The following RAD51B variants were observed in gnomAD, a reference collection of about 807,000 sequenced individuals.
The protein encoded by RAD51B is DNA repair protein RAD51 homolog 2.
In RAD51B, 38 loss-of-function variants were observed where a neutral mutation model predicts 42.2. The observed-to-expected ratio is 0.90, with a 90% CI of 0.70 to 1.18. The LOEUF is 1.18. Ranked by LOEUF, RAD51B falls within the 50% of genes most tolerant of loss-of-function variation. RAD51B has a pLI of 0.00. For missense variants in RAD51B, 373 were observed against 400.7 expected, an observed-to-expected ratio of 0.93 and a Z score of 0.59; for synonymous variants, 154 against 145.2, an observed-to-expected ratio of 1.06 and a Z score of -0.43.
chr14:68,582,703 C>T (rs1312349563), intron 10 of RAD51B, among the ~76,000 whole-genome samples: 3 of 152,168 alleles, frequency 2.0e-5, no homozygotes, highest in Non-Finnish European at 2.9e-5. Context: ...CACATGCACA[C>T]GTATGTTTAT....
At chr14:68,401,657 T>G (rs2084107805) in intron 8 of RAD51B, among the ~76,000 whole-genome samples, 1 of 152,102 alleles carries the variant, frequency 6.6e-6, no homozygotes, top group African/African-American at 2.4e-5. Flanking sequence ...AGGAATGAAA[T>G]TTTCTGCTTT....
chr14:68,362,004 A>T (rs1477685708), intron 8 of RAD51B, among the ~76,000 whole-genome samples: 1 of 152,148 alleles, frequency 6.6e-6, no homozygotes, highest in Non-Finnish European at 1.5e-5. Context: ...CGCCCCAAAG[A>T]AATTAGGCTA....
chr14:68,142,667 A>G (rs1408325845), intron 7 of RAD51B, among the ~76,000 whole-genome samples: 2 of 152,162 alleles, frequency 1.3e-5, no homozygotes, highest in African/African-American at 2.4e-5. Context: ...TCATGATTTA[A>G]TAATAGTGAT....
At position 68,312,561 on chromosome 14, in the gene RAD51B, G is replaced by GA. The variant is rs199721851; in HGVS notation, c.853+20590dup. 4.9e-3 allele frequency among the ~76,000 whole-genome samples: 739 copies of GA among 150,410 alleles called. 26 individuals carry two copies. In the East Asian group the frequency reaches 0.066, roughly 13 times the overall value. Reference sequence around the variant, plus strand: ...GAACAAAGGTAGCTGGACTTTCAAGGAAAAAAAAATAATCCAGCCCTGGTA... The same window carrying GA: ...GAACAAAGGTAGCTGGACTTTCAAGGAAAAAAAAAATAATCCAGCCCTGGTA... On this transcript the variant is annotated intron_variant, in intron 8 of 10. Transcript: ENST00000471583.
chr14:68,259,294 A>C (rs555351479), intron 7 of RAD51B, among the ~76,000 whole-genome samples: 146 of 115,324 alleles, frequency 1.3e-3, no homozygotes, highest in Admixed American at 2.3e-3. Flanking sequence ...CACACCGGGG[A>C]CTGTTGTGGG....
chr14:68,196,428 A>G (rs896210749), intron 7 of RAD51B, among the ~76,000 whole-genome samples: 3 of 152,030 alleles, frequency 2.0e-5, no homozygotes, highest in Non-Finnish European at 4.4e-5. Flanking sequence ...AAAGTCCTGC[A>G]TGGTCCCACT....
chr14:67,966,139 C>A (rs1241381404), intron 7 of RAD51B, among the ~76,000 whole-genome samples: 1 of 152,110 alleles, frequency 6.6e-6, no homozygotes, highest in African/African-American at 2.4e-5. Flanking sequence ...AAAGAAAACT[C>A]ATTACCCTTA....
At chr14:67,975,080 G>A (rs762802652) in intron 7 of RAD51B, among the ~76,000 whole-genome samples, 6 of 151,982 alleles carry the variant, frequency 3.9e-5, no homozygotes, top group Non-Finnish European at 7.4e-5. Context: ...AAACTTAGCC[G>A]CTTTAAACAA....
intron 10 of RAD51B, among the ~76,000 whole-genome samples, chr14:68,489,352 C>G (rs926402244): frequency 6.6e-6 from 1 of 152,180 alleles, no homozygotes; most frequent in Non-Finnish European, 1.5e-5. Flanking sequence ...CCACCACTTA[C>G]TAGCTTTGTG....
chr14:67,975,228 T>G (rs1268814666), intron 7 of RAD51B, among the ~76,000 whole-genome samples: 1 of 152,176 alleles, frequency 6.6e-6, no homozygotes, highest in Non-Finnish European at 1.5e-5. Flanking sequence ...CAAGTTGAGG[T>G]TCTTATCACT....
At chr14:68,520,914 T>C (rs1212154039) in intron 10 of RAD51B, among the ~76,000 whole-genome samples, 4 of 152,244 alleles carry the variant, frequency 2.6e-5, no homozygotes, top group African/African-American at 9.6e-5. Context: ...AAAGGTTGAC[T>C]GCATCAAGAA....
chr14:68,405,144 G>T (rs570091691), intron 8 of RAD51B, among the ~76,000 whole-genome samples: 1 of 152,204 alleles, frequency 6.6e-6, no homozygotes, highest in Non-Finnish European at 1.5e-5. Flanking sequence ...TCATAGGATT[G>T]TTGTAAGGAT....
downstream of RAD51B, among the ~76,000 whole-genome samples, chr14:68,479,688 T>TTTTTTTTTTG (rs34627518): frequency 8.8e-5 from 12 of 137,012 alleles, no homozygotes; most frequent in East Asian, 2.4e-4. Context: ...TTTTTTTTTT[T>TTTTTTTTTTG]GCCAGAGTCT....
intron 7 of RAD51B, among the ~76,000 whole-genome samples, chr14:67,933,246 TG>T (rs1400587576): frequency 6.6e-6 from 1 of 152,170 alleles, no homozygotes; most frequent in Non-Finnish European, 1.5e-5. Flanking sequence ...GCTAGAATAC[TG>T]GGGACCCTGG....
intron 7 of RAD51B, among the ~76,000 whole-genome samples, chr14:68,216,971 C>A (rs556598604): frequency 6.6e-6 from 1 of 152,190 alleles, no homozygotes; most frequent in East Asian, 1.9e-4. Context: ...TGTAGGAAAC[C>A]TTTTACCTCC....
intron 10 of RAD51B, among the ~76,000 whole-genome samples, chr14:68,606,607 T>C (rs986800363): frequency 1.2e-4 from 19 of 152,198 alleles, no homozygotes; most frequent in African/African-American, 3.4e-4. Context: ...TGACACACCA[T>C]TGGGTTCCCT....
intron 7 of RAD51B, among the ~76,000 whole-genome samples, chr14:68,107,863 AT>A (rs1250718676): frequency 3.3e-5 from 5 of 151,976 alleles, no homozygotes; most frequent in African/African-American, 1.2e-4. Context: ...GAAAGAGGCC[AT>A]AGAGCACAAT....
At chr14:68,544,082 T>C (rs534073667) in intron 10 of RAD51B, among the ~76,000 whole-genome samples, 2 of 152,348 alleles carry the variant, frequency 1.3e-5, no homozygotes, top group East Asian at 3.9e-4. Flanking sequence ...ATAAGATACA[T>C]AAATCTCAAA....
intron 10 of RAD51B, among the ~76,000 whole-genome samples, chr14:68,534,124 T>A (rs1451015909): frequency 6.6e-6 from 1 of 152,200 alleles, no homozygotes; most frequent in African/African-American, 2.4e-5. Context: ...TACAGAAGGT[T>A]GGCTGGAAGG....
Sources: allele counts gnomAD v4.1 joint callset (sites outside exome capture counted in the v4.1 genomes callset), GRCh38; gene constraint gnomAD v4.1.1; transcripts MANE v1.5; gene names NCBI Gene and HGNC (gene_info 2026-07-23, HGNC 2026-07-21).